LYPLAL1: variants seen among roughly 807,000 people sequenced by gnomAD.
LYPLAL1 encodes lysophospholipase like 1.
In LYPLAL1, 23 loss-of-function variants were observed where a neutral mutation model predicts 19.7. That is an observed-to-expected ratio of 1.17 (90% CI 0.84 to 1.65). The LOEUF (loss-of-function observed/expected upper bound fraction) is 1.65. Ranked by LOEUF, LYPLAL1 falls within the 40% of genes most tolerant of loss-of-function variation. LYPLAL1 has a pLI of 0.00. For synonymous variants in LYPLAL1, 119 were observed against 96.3 expected (o/e 1.24, Z -1.38); for missense variants, 355 against 279.4 (o/e 1.27, Z -1.93).
At chr1:219,304,203 A>C in the LYPLAL1 span, among the ~76,000 whole-genome samples, 1 of 152,200 alleles carries the variant, frequency 6.6e-6, no homozygotes, top group East Asian at 1.9e-4. Flanking sequence ...CCTATACATA[A>C]AACTGCAAAA....
At chr1:219,279,009 G>A in the LYPLAL1 span, among the ~76,000 whole-genome samples, 6 of 152,026 alleles carry the variant, frequency 3.9e-5, no homozygotes, top group Non-Finnish European at 8.8e-5. Flanking sequence ...TCCTGGCCTC[G>A]GGCATGAAAA....
the LYPLAL1 span, among the ~76,000 whole-genome samples, chr1:219,227,651 GC>G: frequency 1.3e-5 from 2 of 151,216 alleles, no homozygotes; most frequent in African/African-American, 4.9e-5. Flanking sequence ...ATAGGACTTG[GC>G]AAAAAAAAAT....
the LYPLAL1 span, among the ~76,000 whole-genome samples, chr1:219,301,695 C>T: frequency 6.6e-6 from 1 of 151,940 alleles, no homozygotes; most frequent in Non-Finnish European, 1.5e-5. Flanking sequence ...ATAACATAAC[C>T]CTATTCAATA....
At chr1:219,355,289 A>G in the LYPLAL1 span, among the ~76,000 whole-genome samples, 3 of 152,236 alleles carry the variant, frequency 2.0e-5, no homozygotes, top group Admixed American at 1.3e-4. Flanking sequence ...AAAACAAAAC[A>G]AAATAAACAA....
At chr1:219,191,805 G>A (rs528673161) in intron 2 of LYPLAL1, among the ~76,000 whole-genome samples, 150 of 151,618 alleles carry the variant, frequency 9.9e-4, no homozygotes, top group Admixed American at 1.9e-3. Context: ...AAGTTTTTAT[G>A]TACTGACTTT....
At chr1:219,225,061 A>G in the LYPLAL1 span, among the ~76,000 whole-genome samples, 45 of 151,956 alleles carry the variant, frequency 3.0e-4, 1 homozygote, top group African/African-American at 9.4e-4. Flanking sequence ...TTTTGACTCT[A>G]TTGTTTCTTT....
At chr1:219,291,033 T>C in the LYPLAL1 span, among the ~76,000 whole-genome samples, 1 of 152,196 alleles carries the variant, frequency 6.6e-6, no homozygotes, top group Non-Finnish European at 1.5e-5. Context: ...TTGTTTGTAA[T>C]ATAGGGAATT....
the LYPLAL1 span, among the ~76,000 whole-genome samples, chr1:219,399,216 G>A: frequency 6.6e-6 from 1 of 152,162 alleles, no homozygotes; most frequent in Non-Finnish European, 1.5e-5. Context: ...ACTGGTAGAG[G>A]CATTGGCACA....
At chr1:219,273,953 G>T in the LYPLAL1 span, among the ~76,000 whole-genome samples, 6 of 152,098 alleles carry the variant, frequency 3.9e-5, no homozygotes, top group Non-Finnish European at 7.4e-5. Flanking sequence ...GCAGAGATGG[G>T]ATTTCACCAC....
the LYPLAL1 span, among the ~76,000 whole-genome samples, chr1:219,321,091 C>G: frequency 6.6e-6 from 1 of 152,226 alleles, no homozygotes; most frequent in African/African-American, 2.4e-5. Context: ...TCCACATCCT[C>G]TCCAGCACCT....
chr1:219,178,261 G>T (rs897794752), intron 1 of LYPLAL1, among the ~76,000 whole-genome samples: 2 of 152,136 alleles, frequency 1.3e-5, no homozygotes, highest in Non-Finnish European at 2.9e-5. Context: ...TTTGAAGCAG[G>T]TACATTTGCC....
At chr1:219,280,952 G>A in the LYPLAL1 span, among the ~76,000 whole-genome samples, 2 of 152,210 alleles carry the variant, frequency 1.3e-5, no homozygotes, top group Non-Finnish European at 2.9e-5. Context: ...AGGAGGCTGA[G>A]GAAGGAGAAT....
At chr1:219,332,578 A>C in the LYPLAL1 span, among the ~76,000 whole-genome samples, 25 of 152,182 alleles carry the variant, frequency 1.6e-4, no homozygotes, top group African/African-American at 6.0e-4. Flanking sequence ...TCTCTAAAAG[A>C]ATTCTTATTT....
At chr1:219,340,445 A>G in the LYPLAL1 span, among the ~76,000 whole-genome samples, 1 of 152,076 alleles carries the variant, frequency 6.6e-6, no homozygotes, top group Non-Finnish European at 1.5e-5. Flanking sequence ...GGTGAACACA[A>G]CCAACCAATT....
chr1:219,285,772 T>C, the LYPLAL1 span, among the ~76,000 whole-genome samples: 2,148 of 152,258 alleles, frequency 0.014, 42 homozygotes, highest in African/African-American at 0.049. Context: ...TTAGGGGCAA[T>C]GAAATTGTTT....
the LYPLAL1 span, among the ~76,000 whole-genome samples, chr1:219,413,493 G>T: frequency 6.6e-6 from 1 of 152,084 alleles, no homozygotes; most frequent in Non-Finnish European, 1.5e-5. Flanking sequence ...AATATCTTTT[G>T]GTAGGGAAAG....
chr1:219,232,434 A>G, the LYPLAL1 span, among the ~76,000 whole-genome samples: 179 of 152,324 alleles, frequency 1.2e-3, no homozygotes, highest in Non-Finnish European at 2.2e-3. Context: ...TAAAATTCTT[A>G]GAAAAAAACA....
At chr1:219,192,764 A>G (rs1196012842) in intron 2 of LYPLAL1, among the ~76,000 whole-genome samples, 1 of 151,550 alleles carries the variant, frequency 6.6e-6, no homozygotes, top group Admixed American at 6.6e-5. Flanking sequence ...TTTTTTAACC[A>G]ACATAGTATC....
chr1:219,281,662 CAG>C, the LYPLAL1 span, among the ~76,000 whole-genome samples: 979 of 152,232 alleles, frequency 6.4e-3, 4 homozygotes, highest in Non-Finnish European at 0.01. Flanking sequence ...AAAAACCAAA[CAG>C]GGGAGAAGTC....
Sources: gnomAD v4.1 joint callset for allele counts (sites outside exome capture counted in the v4.1 genomes callset) on GRCh38, gnomAD v4.1.1 for gene constraint, MANE v1.5 for transcripts, NCBI Gene and HGNC (gene_info 2026-07-23, HGNC 2026-07-21) for gene names.